SPIDR: variants seen among roughly 807,000 people sequenced by gnomAD.
SPIDR encodes DNA repair-scaffolding protein.
A neutral mutation model predicts 104.6 loss-of-function variants in SPIDR; 93 were observed. That is an observed-to-expected ratio of 0.89 (90% CI 0.75 to 1.06). SPIDR has a LOEUF of 1.06. Among genes scored for constraint, SPIDR ranks in the 50% least tolerant of loss-of-function variants. The probability of loss-of-function intolerance (pLI) is 0.00; values close to 1 mark genes in which losing one functional copy is unlikely to be tolerated. For missense variants in SPIDR, 1,154 were observed against 1,111.2 expected (o/e 1.04, Z -0.55); for synonymous variants, 431 against 416.9 (o/e 1.03, Z -0.41).
intron 8 of SPIDR, chr8:47,592,645 C>T: frequency 9.8e-7 from 1 of 1,017,788 alleles, no homozygotes. Context: ...GGTCTAGTCT[C>T]CGGCTCCGCT....
chr8:47,545,404 T>G (rs2089177084), intron 8 of SPIDR, among the ~76,000 whole-genome samples: 1 of 152,164 alleles, frequency 6.6e-6, no homozygotes, highest in East Asian at 1.9e-4. Flanking sequence ...ATAAAAAGTG[T>G]TGTTTTTTAA....
intron 5 of SPIDR, among the ~76,000 whole-genome samples, chr8:47,298,985 G>A (rs1461766535): frequency 6.6e-6 from 1 of 152,114 alleles, no homozygotes; most frequent in Non-Finnish European, 1.5e-5. Flanking sequence ...TTCCAATTCT[G>A]TGCAGAAAGT....
intron 16 of SPIDR, among the ~76,000 whole-genome samples, chr8:47,714,106 G>T (rs895619847): frequency 1.3e-5 from 2 of 152,108 alleles, no homozygotes. Flanking sequence ...GTGGGACCAA[G>T]CTGAGGCTGG....
rs2086173424 is a variant in SPIDR at position 47,735,617 on chromosome 8, C to A, written c.*167C>A. The A allele has an allele frequency of 3.7e-6, 5 of 1,342,022 alleles. No homozygotes were observed. The highest frequency in any genetic ancestry group is 5.5e-5 in the Admixed American group (2 of 36,392). The allele number at this position is 1,342,022 out of a possible 1,614,324, so 83.1% of individuals were successfully genotyped here. ...AAATGTTCAGATACAGTTTTGTGAA[C>A]TGTAAATCAAAATACCTTTTTCTAC... On this transcript the variant is annotated 3_prime_UTR_variant, in exon 20 of 20. Coordinates refer to ENST00000297423, the MANE Select transcript of SPIDR (RefSeq NM_001080394.4).
chr8:47,621,489 TTC>T (rs2154435010), intron 10 of SPIDR, among the ~76,000 whole-genome samples: 1 of 152,350 alleles, frequency 6.6e-6, no homozygotes, highest in East Asian at 1.9e-4. Flanking sequence ...CTGTTCTCGC[TTC>T]TGTCTTATTG....
chr8:47,554,685 C>A (rs1228886368), intron 8 of SPIDR, among the ~76,000 whole-genome samples: 1 of 152,208 alleles, frequency 6.6e-6, no homozygotes, highest in African/African-American at 2.4e-5. Flanking sequence ...AATTCCCCGA[C>A]CCCTTGCGCT....
intron 5 of SPIDR, among the ~76,000 whole-genome samples, chr8:47,366,422 G>T (rs2057222860): frequency 6.6e-6 from 1 of 152,184 alleles, no homozygotes; most frequent in Admixed American, 6.5e-5. Context: ...GGAGATATGT[G>T]TAGGATAGGG....
At chr8:47,395,537 G>C (rs1588137446) in intron 5 of SPIDR, among the ~76,000 whole-genome samples, 1 of 152,112 alleles carries the variant, frequency 6.6e-6, no homozygotes, top group Non-Finnish European at 1.5e-5. Flanking sequence ...AGAATAACAT[G>C]GGATTGACCT....
intron 5 of SPIDR, among the ~76,000 whole-genome samples, chr8:47,363,380 G>C (rs1297717216): frequency 1.9e-4 from 29 of 149,814 alleles, no homozygotes; most frequent in African/African-American, 6.9e-4. Context: ...TAATTTTTTT[G>C]TATTTTTAGT....
intron 11 of SPIDR, among the ~76,000 whole-genome samples, chr8:47,696,346 TAAG>T (rs2079333416): frequency 6.6e-6 from 1 of 152,240 alleles, no homozygotes; most frequent in South Asian, 2.1e-4. Flanking sequence ...TTTTTCATTC[TAAG>T]AAGTTAACTT....
chr8:47,411,957 A>T (rs1414588560), intron 7 of SPIDR, among the ~76,000 whole-genome samples: 1 of 152,124 alleles, frequency 6.6e-6, no homozygotes, highest in African/African-American at 2.4e-5. Flanking sequence ...CAAAGATCAG[A>T]TAGTTGTAGA....
chr8:47,423,746 G>A (rs2065961923), intron 7 of SPIDR, among the ~76,000 whole-genome samples: 1 of 152,214 alleles, frequency 6.6e-6, no homozygotes, highest in Non-Finnish European at 1.5e-5. Flanking sequence ...GCCTTGGCTG[G>A]GTTTCACTTC....
chr8:47,590,529 G>C (rs946953059), intron 8 of SPIDR, among the ~76,000 whole-genome samples: 2 of 152,124 alleles, frequency 1.3e-5, no homozygotes, highest in Non-Finnish European at 2.9e-5. Flanking sequence ...TGTGATTAGA[G>C]AATATACTCT....
At chr8:47,458,673 T>C (rs1388442286) in intron 8 of SPIDR, among the ~76,000 whole-genome samples, 1 of 152,078 alleles carries the variant, frequency 6.6e-6, no homozygotes, top group Admixed American at 6.6e-5. Context: ...TCTAGTACTA[T>C]GTTGAATAGA....
At chr8:47,735,111 G>GGGGTGT (rs1554618430) in intron 19 of SPIDR, among the ~76,000 whole-genome samples, 196 bp from the exon 20 acceptor site, 3 of 135,182 alleles carry the variant, frequency 2.2e-5, no homozygotes, top group African/African-American at 8.9e-5. Flanking sequence ...TGTGTGTGTG[G>GGGGTGT]GTGTGTGTGT....
chr8:47,628,700 C>G (rs1252769106), intron 10 of SPIDR, among the ~76,000 whole-genome samples: 5 of 151,932 alleles, frequency 3.3e-5, no homozygotes, highest in Admixed American at 3.3e-4. Flanking sequence ...TGAAAAAAAA[C>G]TCCTGTCCCA....
intron 5 of SPIDR, among the ~76,000 whole-genome samples, chr8:47,395,389 A>G (rs1234304236): frequency 6.6e-6 from 1 of 152,106 alleles, no homozygotes; most frequent in Non-Finnish European, 1.5e-5. Context: ...TAATCCTCAG[A>G]AAAAAAGGCC....
chr8:47,681,624 A>T (rs1316932301), intron 11 of SPIDR, among the ~76,000 whole-genome samples: 1 of 152,232 alleles, frequency 6.6e-6, no homozygotes, highest in Non-Finnish European at 1.5e-5. Flanking sequence ...CTTAGTCCCA[A>T]GTCACACAAA....
intron 8 of SPIDR, among the ~76,000 whole-genome samples, chr8:47,474,362 C>T (rs2154359067): frequency 6.6e-6 from 1 of 152,108 alleles, no homozygotes; most frequent in East Asian, 1.9e-4. Context: ...TAATTTTTCT[C>T]AATAAATATG....
Sources: gnomAD v4.1 joint callset for allele counts (sites outside exome capture counted in the v4.1 genomes callset) on GRCh38, gnomAD v4.1.1 for gene constraint, MANE v1.5 for transcripts, NCBI Gene and HGNC (gene_info 2026-07-23, HGNC 2026-07-21) for gene names.